The following LIN9 variants were observed in gnomAD, a reference collection of about 807,000 sequenced individuals.
The protein encoded by LIN9 is protein lin-9 homolog.
A neutral mutation model predicts 78.0 loss-of-function variants in LIN9; 18 were observed. The ratio of observed to expected loss-of-function variants is 0.23; its 90% CI spans 0.16 to 0.34. The LOEUF (loss-of-function observed/expected upper bound fraction) is 0.34, where lower values mean the gene tolerates loss of function less well. LIN9 is among the 10% of genes least tolerant of loss of function. LIN9 has a pLI of 1.00. For missense variants in LIN9, 451 were observed against 644.1 expected (o/e 0.70, Z 3.25); for synonymous variants, 192 against 215.2 (o/e 0.89, Z 0.94).
intron 10 of LIN9, among the ~76,000 whole-genome samples, chr1:226,260,388 A>G (rs1386582190): frequency 6.6e-6 from 1 of 152,144 alleles, no homozygotes; most frequent in Non-Finnish European, 1.5e-5. Flanking sequence ...AAAGAAAACT[A>G]TAAGCCAGGC....
intron 11 of LIN9, among the ~76,000 whole-genome samples, chr1:226,244,782 T>C (rs963177155): frequency 1.3e-5 from 2 of 152,234 alleles, no homozygotes; most frequent in African/African-American, 2.4e-5. Flanking sequence ...TGTATGCGCA[T>C]CTTCTGAATG....
chr1:226,296,296 T>C (rs574333073), intron 3 of LIN9, among the ~76,000 whole-genome samples: 77 of 152,292 alleles, frequency 5.1e-4, no homozygotes, highest in African/African-American at 1.8e-3. Flanking sequence ...TTAATACCAA[T>C]TGGGTGTGTG....
At chr1:226,239,732 A>G (rs1270054972) in intron 11 of LIN9, among the ~76,000 whole-genome samples, 1 of 152,174 alleles carries the variant, frequency 6.6e-6, no homozygotes, top group African/African-American at 2.4e-5. Flanking sequence ...AAGATGCTCA[A>G]TGGATATTAA....
chr1:226,290,900 G>A (rs534087993), intron 4 of LIN9, among the ~76,000 whole-genome samples: 39 of 152,128 alleles, frequency 2.6e-4, no homozygotes, highest in African/African-American at 8.9e-4. Context: ...GGGACTACAG[G>A]CACGTGCCGC....
intron 6 of LIN9, among the ~76,000 whole-genome samples, chr1:226,281,449 G>GT (rs758449882): frequency 7.9e-5 from 12 of 152,034 alleles, no homozygotes; most frequent in Middle Eastern, 3.4e-3. Context: ...TTTTTACTTT[G>GT]TTTTTTATTG....
chr1:226,305,056 G>C (rs1030607284), intron 1 of LIN9, among the ~76,000 whole-genome samples: 1 of 151,884 alleles, frequency 6.6e-6, no homozygotes, highest in African/African-American at 2.4e-5. Flanking sequence ...TGTAATCACA[G>C]CTACTCAGGA....
chr1:226,258,272 A>G (rs1012429574), intron 10 of LIN9, among the ~76,000 whole-genome samples: 1 of 151,218 alleles, frequency 6.6e-6, no homozygotes, highest in Non-Finnish European at 1.5e-5. Flanking sequence ...AGGCTGAGGC[A>G]GGCAGATTTC....
At chr1:226,256,639 A>G (rs1659214029) in intron 10 of LIN9, among the ~76,000 whole-genome samples, 1 of 150,312 alleles carries the variant, frequency 6.7e-6, no homozygotes, top group Non-Finnish European at 1.5e-5. Flanking sequence ...GCTCACTGCA[A>G]GCTCCGCCTC....
At chr1:226,297,232 T>C (rs1175296429) in intron 3 of LIN9, among the ~76,000 whole-genome samples, 1 of 152,162 alleles carries the variant, frequency 6.6e-6, no homozygotes, top group Admixed American at 6.5e-5. Context: ...TGACAGACCC[T>C]TAAAACCTCC....
At chr1:226,298,351 G>A (rs762206502) in intron 2 of LIN9, among the ~76,000 whole-genome samples, 2 of 152,188 alleles carry the variant, frequency 1.3e-5, no homozygotes, top group Non-Finnish European at 2.9e-5. Flanking sequence ...GGGATTACAG[G>A]TGTGTGCCAC....
intron 8 of LIN9, 129 bp downstream of exon 8, chr1:226,267,828 G>T: frequency 1.1e-6 from 1 of 936,354 alleles, no homozygotes; most frequent in Non-Finnish European, 1.6e-6. Context: ...ATAGGGCTGG[G>T]GTCCCCTAAG....
rs538055493 is a variant in LIN9, at chr1:226,242,328, T to C, written c.1120-3232A>G. 7.2e-5 allele frequency among the ~76,000 whole-genome samples: 11 copies of C among 152,342 alleles called. No individual in the cohort carries two copies. In the East Asian group the frequency reaches 1.2e-3, roughly 16 times the overall value. On this transcript the variant is annotated intron_variant, in intron 11 of 14. Transcript: ENST00000681046. ...GTATATTGTTTGGAAATTTTGTATA[T>C]AGTAAAGCTGGCCTTTCAAATCAGT... is the stretch of plus-strand genomic sequence containing the variant.
At chr1:226,281,562 C>T (rs1357769090) in intron 6 of LIN9, among the ~76,000 whole-genome samples, 1 of 152,006 alleles carries the variant, frequency 6.6e-6, no homozygotes, top group African/African-American at 2.4e-5. Flanking sequence ...GATCATTACA[C>T]ACTGTACACA....
At chr1:226,263,790 G>C (rs1348382860) in intron 10 of LIN9, among the ~76,000 whole-genome samples, 1 of 152,074 alleles carries the variant, frequency 6.6e-6, no homozygotes, top group Non-Finnish European at 1.5e-5. Context: ...ATATATCATT[G>C]GCTGGGCATG....
chr1:226,263,214 T>C (rs1305025181), intron 10 of LIN9, among the ~76,000 whole-genome samples: 1 of 152,224 alleles, frequency 6.6e-6, no homozygotes, highest in African/African-American at 2.4e-5. Flanking sequence ...GGATACATGA[T>C]ATTATACATT....
chr1:226,308,951 G>A, intron 1 of LIN9, 158 bp downstream of exon 1: 1 of 597,568 alleles, frequency 1.7e-6, no homozygotes, highest in Non-Finnish European at 2.4e-6. Flanking sequence ...AGGCGGCGAC[G>A]CGGCGGCAAC....
intron 6 of LIN9, among the ~76,000 whole-genome samples, chr1:226,278,438 C>T (rs545340925): frequency 6.6e-6 from 1 of 151,260 alleles, no homozygotes; most frequent in Non-Finnish European, 1.5e-5. Context: ...TTAAAAAAAA[C>T]AAAAACAAAA....
chr1:226,272,326 G>A (rs1408305732), intron 7 of LIN9, among the ~76,000 whole-genome samples: 1 of 151,208 alleles, frequency 6.6e-6, no homozygotes, highest in Non-Finnish European at 1.5e-5. Flanking sequence ...AAAGTGCTGG[G>A]ATTACAGGCA....
At chr1:226,267,047 T>C (rs1659961215) in intron 8 of LIN9, among the ~76,000 whole-genome samples, 2 of 152,030 alleles carry the variant, frequency 1.3e-5, no homozygotes, top group Admixed American at 1.3e-4. Context: ...CCCAAAGTGC[T>C]GGGATTATAG....
Sources: allele counts gnomAD v4.1 joint callset (sites outside exome capture counted in the v4.1 genomes callset), GRCh38; gene constraint gnomAD v4.1.1; transcripts MANE v1.5; gene names NCBI Gene and HGNC (gene_info 2026-07-23, HGNC 2026-07-21).